Variants in MID1 observed in about 807,000 individuals in gnomAD.
MID1 encodes midline 1.
MID1 carries 7 observed loss-of-function variants against 40.4 expected under a neutral mutation model. The ratio of observed to expected loss-of-function variants is 0.17; its 90% CI spans 0.10 to 0.33. The LOEUF is 0.33. Among genes scored for constraint, MID1 ranks in the 10% least tolerant of loss-of-function variants. The pLI is 1.00. For missense variants in MID1, 367 were observed against 558.5 expected (o/e 0.66, Z 3.46); for synonymous variants, 229 against 221.2 (o/e 1.04, Z -0.31).
chrX:10,558,278 G>T (rs761914655), intron 2 of MID1, among the ~76,000 whole-genome samples: 1 of 111,325 alleles, frequency 9.0e-6, no homozygotes, highest in Admixed American at 9.5e-5. Context: ...ACAGGTCTCT[G>T]CTGGTCTCAC....
intron 1 of MID1, among the ~76,000 whole-genome samples, chrX:10,754,299 G>GTTTTTTTTTTTTTTTTTTT (rs1268373586): frequency 9.8e-6 from 1 of 102,181 alleles, no homozygotes. Flanking sequence ...AGACAAGAGA[G>GTTTTTTTTTTTTTTTTTTT]TTTTTTTTTG....
At chrX:10,700,076 C>T (rs777675721) in intron 1 of MID1, among the ~76,000 whole-genome samples, 11 of 110,927 alleles carry the variant, frequency 9.9e-5, no homozygotes, top group Non-Finnish European at 1.3e-4. Context: ...CCTGCCTTGG[C>T]CTCCCAAAGT....
chrX:10,767,370 G>T (rs1270627462), intron 1 of MID1, among the ~76,000 whole-genome samples: 2 of 110,512 alleles, frequency 1.8e-5, no homozygotes, highest in Admixed American at 1.9e-4. Flanking sequence ...CACCAGGCTG[G>T]AGTGCAGTGG....
chrX:10,660,913 G>A (rs1479901255), intron 1 of MID1, among the ~76,000 whole-genome samples: 1 of 111,865 alleles, frequency 8.9e-6, no homozygotes, highest in Non-Finnish European at 1.9e-5. Context: ...GCGACACAGA[G>A]TTTTTAAAAA....
intron 1 of MID1, among the ~76,000 whole-genome samples, chrX:10,759,413 G>A (rs970088191): frequency 3.6e-5 from 4 of 111,466 alleles, no homozygotes; most frequent in Non-Finnish European, 7.5e-5. Context: ...TCACATAGGC[G>A]CACAAATCTG....
chrX:10,541,015 G>A (rs1191348988), intron 2 of MID1, among the ~76,000 whole-genome samples: 2 of 112,000 alleles, frequency 1.8e-5, no homozygotes, highest in Non-Finnish European at 3.8e-5. Flanking sequence ...GTGCTGCCTG[G>A]GAGTTGAAAG....
At chrX:10,549,212 G>A (rs181210577) in intron 2 of MID1, among the ~76,000 whole-genome samples, 3 of 112,804 alleles carry the variant, frequency 2.7e-5, no homozygotes, top group Non-Finnish European at 5.6e-5. Flanking sequence ...TCTAGACTAT[G>A]AGTACCTATG....
Position 10,476,539 on chromosome X carries a change from C to T in MID1, c.1014-1789G>A, listed in dbSNP as rs143354569. The stretch of plus-strand genomic sequence containing the variant: ...TAAAAAAGAATATACCTGTAAAATG[C>T]TCAAAATTCATAGAAATACAGTTTC... On this transcript the variant is annotated intron_variant, in intron 5 of 9. Coordinates refer to ENST00000317552, the MANE Select transcript of MID1 (RefSeq NM_000381.4). Among the ~76,000 whole-genome samples, 847 of 111,444 alleles carry T rather than the reference C, an allele frequency of 7.6e-3. 10 individuals are homozygous for T. Among genetic ancestry groups the T allele is most frequent in the African/African-American group, 0.026 (790 of 30,660 alleles).
intron 2 of MID1, among the ~76,000 whole-genome samples, chrX:10,540,239 G>A: frequency 9.0e-6 from 1 of 111,562 alleles, no homozygotes; most frequent in Middle Eastern, 4.7e-3. Flanking sequence ...AAGACTTCTG[G>A]ATACTGCCTG....
intron 1 of MID1, among the ~76,000 whole-genome samples, chrX:10,736,136 G>A (rs961943383): frequency 1.8e-5 from 2 of 111,337 alleles, no homozygotes; most frequent in Non-Finnish European, 3.8e-5. Flanking sequence ...CTGCCACCAC[G>A]CCCGGCTAAT....
intron 1 of MID1, among the ~76,000 whole-genome samples, chrX:10,647,236 G>GA (rs1936270790): frequency 8.9e-6 from 1 of 111,816 alleles, no homozygotes; most frequent in Non-Finnish European, 1.9e-5. Context: ...GCAGAGCCAG[G>GA]AAATCAGATC....
chrX:10,665,103 T>C (rs1347875358), intron 1 of MID1, among the ~76,000 whole-genome samples: 1 of 112,085 alleles, frequency 8.9e-6, no homozygotes, highest in Non-Finnish European at 1.9e-5. Flanking sequence ...GCCCCTGAAG[T>C]AGTGCAACAA....
chrX:10,637,630 A>AC (rs967407095), intron 1 of MID1, among the ~76,000 whole-genome samples: 1 of 110,529 alleles, frequency 9.0e-6, no homozygotes, highest in Non-Finnish European at 1.9e-5. Context: ...ATCTAAAAAA[A>AC]AAAAAAAGAA....
At chrX:10,672,063 A>C (rs945638980) in intron 1 of MID1, among the ~76,000 whole-genome samples, 3 of 110,808 alleles carry the variant, frequency 2.7e-5, no homozygotes, top group Admixed American at 1.9e-4. Flanking sequence ...CATGTCTGCA[A>C]AAAATACAAA....
chrX:10,720,503 A>G (rs1203521866), intron 1 of MID1, among the ~76,000 whole-genome samples: 2 of 112,146 alleles, frequency 1.8e-5, no homozygotes, highest in Non-Finnish European at 3.8e-5. Context: ...ATGAGATACC[A>G]TCTCACACTA....
At chrX:10,571,634 C>T (rs1383110499) in intron 1 of MID1, among the ~76,000 whole-genome samples, 1 of 110,196 alleles carries the variant, frequency 9.1e-6, no homozygotes, top group Non-Finnish European at 1.9e-5. Flanking sequence ...ATGAACAAGG[C>T]CAGGTGTGGT....
intron 7 of MID1, among the ~76,000 whole-genome samples, chrX:10,467,282 T>G (rs1929438885): frequency 8.9e-6 from 1 of 111,766 alleles, no homozygotes; most frequent in African/African-American, 3.2e-5. Flanking sequence ...GAATTAGTAT[T>G]TCTTTATGAT....
chrX:10,566,140 T>A (rs776085498), intron 2 of MID1, among the ~76,000 whole-genome samples: 6 of 111,266 alleles, frequency 5.4e-5, no homozygotes, highest in Admixed American at 2.9e-4. Flanking sequence ...TCACATATAG[T>A]CATATTAATC....
chrX:10,638,234 G>A (rs1936142982), intron 1 of MID1, among the ~76,000 whole-genome samples: 2 of 111,988 alleles, frequency 1.8e-5, no homozygotes, highest in Non-Finnish European at 3.8e-5. Flanking sequence ...AGCACAAGGG[G>A]TTGGGGAATT....
Sources: allele counts gnomAD v4.1 joint callset (sites outside exome capture counted in the v4.1 genomes callset), GRCh38; gene constraint gnomAD v4.1.1; transcripts MANE v1.5; gene names NCBI Gene and HGNC (gene_info 2026-07-23, HGNC 2026-07-21).